USP34: variants seen among roughly 807,000 people sequenced by gnomAD.
USP34 encodes ubiquitin carboxyl-terminal hydrolase 34.
A neutral mutation model predicts 460.3 loss-of-function variants in USP34; 70 were observed. The observed-to-expected ratio is 0.15, with a 90% CI of 0.13 to 0.19. The LOEUF is 0.19. USP34 is among the 10% of genes least tolerant of loss of function. The pLI, the probability that USP34 is intolerant of heterozygous loss-of-function variation, is 1.00. For missense variants in USP34, 3,985 were observed against 4,236.2 expected (o/e 0.94, Z 1.65); for synonymous variants, 1,647 against 1,405.3 (o/e 1.17, Z -3.85).
chr2:61,276,953 C>T (rs1689390711), intron 41 of USP34, among the ~76,000 whole-genome samples: 1 of 152,110 alleles, frequency 6.6e-6, no homozygotes, highest in Admixed American at 6.5e-5. Context: ...CTCTCCAGAC[C>T]ATAACAAATT....
At position 61,319,193 on chromosome 2, in the gene USP34, T is replaced by G; in HGVS notation, c.3148A>C (p.Lys1050Gln). 1 of 1,564,084 alleles carries G rather than the reference T, an allele frequency of 6.4e-7. No homozygotes were observed. Among genetic ancestry groups the G allele is most frequent in the Non-Finnish European group, 8.6e-7 (1 of 1,164,296 alleles). The change falls in exon 22 of 80, where the codon AAA (lysine) becomes CAA (glutamine). Residue 1050 changes from lysine to glutamine, a missense_variant. Lys to Gln is a moderately conservative substitution (Grantham distance 53). Around this residue, in one of 14 missense-constraint regions of USP34, gnomAD observed 1,114 missense variants for 1,122.5 expected, o/e 0.99. Coordinates refer to ENST00000398571, the MANE Select transcript of USP34 (RefSeq NM_014709.4). ...ATTACCTTCTCCAGGAAAAGATGTTTGTAGGTTTCCATACCCATAGCATGT... is the reference window on the plus strand; with the variant it reads ...ATTACCTTCTCCAGGAAAAGATGTTGGTAGGTTTCCATACCCATAGCATGT... ...DQHAMGMETY[K>Q]HLFLEKMPQL...
Position 61,257,340 on chromosome 2 carries a change from C to A in USP34, c.5855G>T (p.Cys1952Phe), listed in dbSNP as rs1355878368. 9 of 1,589,696 alleles carry A rather than the reference C, an allele frequency of 5.7e-6. No individual in the cohort carries two copies. The highest frequency in any genetic ancestry group is 7.7e-6 in the Non-Finnish European group (9 of 1,169,926). Reference protein sequence around the residue: ...KMFTYLMESECKAYNPRPFCK... With the variant: ...KMFTYLMESEFKAYNPRPFCK... ...GAAAGGTCTAGGATTATATGCTTTG[C>A]ATTCACTCTCCTGCAAATAAAAAGG... The change falls in exon 45 of 80, where the codon TGC (cysteine) becomes TTC (phenylalanine). Residue 1952 changes from cysteine (C) to phenylalanine (F), a missense_variant. This residue lies in a region of USP34 where 145 missense variants were observed against 291.6 expected (regional missense o/e 0.50). Transcript: ENST00000398571.
At chr2:61,288,563 A>G in intron 34 of USP34, 114 bp downstream of exon 34, 2 of 1,061,652 alleles carry the variant, frequency 1.9e-6, no homozygotes, top group South Asian at 2.8e-5. Context: ...CCGTCAGTTC[A>G]GCTGTCAGGT....
chr2:61,455,100 T>C lies in USP34; in HGVS notation c.43+15550A>G, dbSNP rs545521470. ...TTTCACCATGTTGGCCAGTCTGGTA[T>C]TGAACTCCTGACCTGTGGTGATATG... is the stretch of plus-strand genomic sequence containing the variant. On this transcript the variant is annotated intron_variant, in intron 1 of 79. Coordinates refer to ENST00000398571, the MANE Select transcript of USP34 (RefSeq NM_014709.4). Among the ~76,000 whole-genome samples, 5 of 151,982 alleles carry C rather than the reference T, an allele frequency of 3.3e-5. No individual in the cohort carries two copies. In the South Asian group the frequency reaches 8.3e-4, roughly 25 times the overall value.
intron 3 of USP34, among the ~76,000 whole-genome samples, chr2:61,403,000 CATT>C (rs1252477362): frequency 6.6e-6 from 1 of 152,038 alleles, no homozygotes; most frequent in Non-Finnish European, 1.5e-5. Context: ...TGTAACAGAT[CATT>C]ATTAAGATAA....
At chr2:61,211,000 A>G (rs1171791744) in intron 69 of USP34, among the ~76,000 whole-genome samples, 5 of 152,226 alleles carry the variant, frequency 3.3e-5, no homozygotes, top group Admixed American at 3.3e-4. Flanking sequence ...ATTCAAAATT[A>G]ATCCAAAATT....
At chr2:61,295,338 C>CA (rs764704874) in intron 30 of USP34, 48 bp from the exon 31 acceptor site, 1 of 1,528,562 alleles carries the variant, frequency 6.5e-7, no homozygotes, top group Non-Finnish European at 8.7e-7. Flanking sequence ...TCAGGGAACA[C>CA]AAAAAAGAAA....
At chr2:61,408,993 G>A (rs1474010372) in intron 2 of USP34, among the ~76,000 whole-genome samples, 2 of 152,092 alleles carry the variant, frequency 1.3e-5, no homozygotes, top group African/African-American at 4.8e-5. Flanking sequence ...GCCAAAGTGG[G>A]CAGATGACTA....
intron 48 of USP34, 126 bp from the exon 49 acceptor site, chr2:61,248,809 T>C (rs779042806): frequency 2.5e-6 from 2 of 810,966 alleles, no homozygotes; most frequent in South Asian, 2.7e-5. Flanking sequence ...GTTCCCCTTA[T>C]CCACAGGGGA....
At chr2:61,389,410 A>G (rs1406080806) in intron 5 of USP34, among the ~76,000 whole-genome samples, 2 of 152,218 alleles carry the variant, frequency 1.3e-5, no homozygotes, top group South Asian at 2.1e-4. Flanking sequence ...GGGCATAGTT[A>G]TATCTTTTAT....
intron 53 of USP34, among the ~76,000 whole-genome samples, chr2:61,238,278 A>C (rs4263098): frequency 6.6e-6 from 1 of 152,162 alleles, no homozygotes; most frequent in East Asian, 1.9e-4. Context: ...CATACAGGTC[A>C]CTTTTTGGCT....
intron 1 of USP34, among the ~76,000 whole-genome samples, chr2:61,426,185 G>C (rs531627379): frequency 4.6e-5 from 7 of 152,208 alleles, no homozygotes; most frequent in Admixed American, 3.9e-4. Flanking sequence ...TGGTGGCTAT[G>C]GGGCAAAACT....
intron 48 of USP34, among the ~76,000 whole-genome samples, chr2:61,253,738 CTT>C (rs773120038): frequency 9.8e-5 from 14 of 142,134 alleles, no homozygotes; most frequent in Admixed American, 2.1e-4. Flanking sequence ...GTTTTTATTG[CTT>C]TTTTTTTTTT....
At chr2:61,364,749 T>C (rs1385950009) in intron 10 of USP34, among the ~76,000 whole-genome samples, 1 of 151,892 alleles carries the variant, frequency 6.6e-6, no homozygotes, top group Non-Finnish European at 1.5e-5. Flanking sequence ...GCTGACATGA[T>C]GAAACCTCGT....
At chr2:61,277,262 G>C (rs1010217857) in intron 41 of USP34, among the ~76,000 whole-genome samples, 3 of 139,118 alleles carry the variant, frequency 2.2e-5, no homozygotes, top group African/African-American at 8.1e-5. Flanking sequence ...TTTGAGACAC[G>C]TTCTCCTTCT....
chr2:61,372,563 C>A (rs1186735314), intron 8 of USP34, among the ~76,000 whole-genome samples: 1 of 152,062 alleles, frequency 6.6e-6, no homozygotes, highest in Non-Finnish European at 1.5e-5. Flanking sequence ...AAGCCTGTTT[C>A]CGCCAGGCAT....
intron 1 of USP34, among the ~76,000 whole-genome samples, chr2:61,447,980 T>C (rs1456941762): frequency 6.6e-6 from 1 of 152,104 alleles, no homozygotes; most frequent in East Asian, 1.9e-4. Context: ...CCTCCCAAAA[T>C]ACTGGGATTA....
At chr2:61,240,716 G>A (rs976256938) in intron 53 of USP34, among the ~76,000 whole-genome samples, 1 of 151,894 alleles carries the variant, frequency 6.6e-6, no homozygotes, top group Non-Finnish European at 1.5e-5. Context: ...TGGGATTACA[G>A]GTGCCCACCA....
chr2:61,444,745 C>G (rs1695060171), intron 1 of USP34, among the ~76,000 whole-genome samples: 1 of 152,060 alleles, frequency 6.6e-6, no homozygotes, highest in Non-Finnish European at 1.5e-5. Flanking sequence ...CCCCTGAGCC[C>G]TATGCAAATC....
Sources: gnomAD v4.1 joint callset for allele counts (sites outside exome capture counted in the v4.1 genomes callset) on GRCh38, gnomAD v4.1.1 for gene constraint, gnomAD v4.1.1 regional missense constraint, MANE v1.5 for transcripts, NCBI Gene and HGNC (gene_info 2026-07-23, HGNC 2026-07-21) for gene names.